The following UIMC1 variants were observed in gnomAD, a reference collection of about 807,000 sequenced individuals.
The protein encoded by UIMC1 is ubiquitin interaction motif containing 1, also known as BRCA1-A complex subunit RAP80.
Under a neutral mutation model 84.9 loss-of-function variants are expected in UIMC1, and 42 were observed. That is an observed-to-expected ratio of 0.49 (90% CI 0.39 to 0.64). UIMC1 has a LOEUF of 0.64. Ranked by LOEUF, UIMC1 falls within the 30% of genes least tolerant of loss-of-function variation. The probability of loss-of-function intolerance (pLI) is 0.00; values close to 1 mark genes in which losing one functional copy is unlikely to be tolerated. For synonymous variants in UIMC1, 281 were observed against 293.0 expected, an observed-to-expected ratio of 0.96 and a Z score of 0.42; for missense variants, 825 against 847.6, an observed-to-expected ratio of 0.97 and a Z score of 0.33.
chr5:176,906,256 T>C, intron 13 of UIMC1: 1 of 541,878 alleles, frequency 1.8e-6, no homozygotes, highest in Admixed American at 3.3e-5. Context: ...CACTTTTGAA[T>C]GAACAACCTC....
At chr5:177,005,946 C>G (rs353491) in intron 1 of UIMC1, among the ~76,000 whole-genome samples, 66,560 of 152,038 alleles carry the variant, frequency 0.44, 14,848 homozygotes, top group East Asian at 0.48. Flanking sequence ...CACCTGGAAA[C>G]GCGCCGGCCC....
At chr5:176,988,593 G>C (rs1056765595) in intron 1 of UIMC1, among the ~76,000 whole-genome samples, 1 of 151,878 alleles carries the variant, frequency 6.6e-6, no homozygotes, top group East Asian at 1.9e-4. Context: ...GAATTAGAAA[G>C]TGGTAATTGC....
rs1429392392 is a variant in UIMC1, at chr5:176,957,340, GAA to G, written c.1262+751_1262+752del. 5.9e-5 allele frequency among the ~76,000 whole-genome samples: 9 copies of G among 152,258 alleles called. No individual in the cohort carries two copies. The South Asian group carries it at 1.2e-3, about 21-fold the overall frequency. On this transcript the variant is annotated intron_variant, in intron 7 of 14. Coordinates refer to ENST00000511320, the MANE Select transcript of UIMC1 (RefSeq NM_001199298.2). ...ATGCAGTTCAAAACTAAGCTCTTGA[GAA>G]AGTCTCAAAACTCAACTACTAGATA...
intron 1 of UIMC1, among the ~76,000 whole-genome samples, chr5:176,993,533 C>A (rs894027167): frequency 1.3e-5 from 2 of 152,038 alleles, no homozygotes; most frequent in African/African-American, 4.8e-5. Context: ...ATCATCATGG[C>A]ACGAATATAC....
chr5:176,930,187 G>A (rs1762914025), intron 10 of UIMC1, among the ~76,000 whole-genome samples: 1 of 152,004 alleles, frequency 6.6e-6, no homozygotes, highest in East Asian at 1.9e-4. Context: ...CCATCTCTCT[G>A]CCTCCACCCC....
At chr5:176,939,048 T>C (rs1764080676) in intron 10 of UIMC1, among the ~76,000 whole-genome samples, 1 of 148,202 alleles carries the variant, frequency 6.7e-6, no homozygotes, top group African/African-American at 2.5e-5. Context: ...GGCCCAGGAG[T>C]TCAAGACCAG....
At chr5:176,930,405 T>C (rs1343505454) in intron 10 of UIMC1, among the ~76,000 whole-genome samples, 2 of 152,234 alleles carry the variant, frequency 1.3e-5, no homozygotes, top group African/African-American at 2.4e-5. Flanking sequence ...GAGTTAAACT[T>C]GGTGTACCCT....
intron 10 of UIMC1, among the ~76,000 whole-genome samples, chr5:176,918,214 C>T (rs1001465482): frequency 9.2e-5 from 14 of 152,204 alleles, no homozygotes; most frequent in African/African-American, 3.4e-4. Context: ...ATTCTCATCC[C>T]CATTTGCCAC....
intron 10 of UIMC1, among the ~76,000 whole-genome samples, chr5:176,927,349 G>A (rs1762509610): frequency 6.6e-6 from 1 of 152,140 alleles, no homozygotes; most frequent in South Asian, 2.1e-4. Flanking sequence ...CACCTCCTGG[G>A]TTCAAGCGAT....
At chr5:177,003,948 C>A (rs1422643240) in intron 1 of UIMC1, among the ~76,000 whole-genome samples, 1 of 152,136 alleles carries the variant, frequency 6.6e-6, no homozygotes, top group Admixed American at 6.5e-5. Flanking sequence ...CCCACCAGAG[C>A]CTCCTGGGCA....
intron 10 of UIMC1, among the ~76,000 whole-genome samples, chr5:176,915,632 T>G (rs530270789): frequency 2.0e-5 from 3 of 151,226 alleles, no homozygotes; most frequent in African/African-American, 7.3e-5. Flanking sequence ...ATTTTTGTAT[T>G]TTTAGTAGAG....
At chr5:176,907,072 G>A in intron 13 of UIMC1, 42 bp downstream of exon 13, 1 of 1,599,518 alleles carries the variant, frequency 6.3e-7, no homozygotes, top group Non-Finnish European at 8.6e-7. Flanking sequence ...TCACTGAAAG[G>A]CCTTAGGCAG....
At chr5:176,951,348 A>G (rs1765851936) in intron 9 of UIMC1, 126 bp downstream of exon 9, 4 of 614,952 alleles carry the variant, frequency 6.5e-6, no homozygotes, top group Non-Finnish European at 1.1e-5. Flanking sequence ...TCTCCCTAAC[A>G]TAAGGGCCCC....
chr5:176,937,026 T>C (rs754095192), intron 10 of UIMC1, among the ~76,000 whole-genome samples: 5 of 152,210 alleles, frequency 3.3e-5, no homozygotes, highest in Non-Finnish European at 7.3e-5. Flanking sequence ...ATCTGTTATA[T>C]AGTAGGTATA....
chr5:176,981,101 T>C (rs2149502531), intron 2 of UIMC1, among the ~76,000 whole-genome samples: 1 of 151,758 alleles, frequency 6.6e-6, no homozygotes, highest in African/African-American at 2.4e-5. Flanking sequence ...TAGATAAAAG[T>C]CCTAATTAAA....
chr5:177,005,932 T>TA (rs953918332), intron 1 of UIMC1, among the ~76,000 whole-genome samples: 1 of 152,114 alleles, frequency 6.6e-6, no homozygotes, highest in African/African-American at 2.4e-5. Context: ...CGGCGCTGCC[T>TA]AAGCACCTGG....
intron 1 of UIMC1, among the ~76,000 whole-genome samples, chr5:176,996,330 T>C (rs953249984): frequency 6.6e-6 from 1 of 152,146 alleles, no homozygotes; most frequent in Non-Finnish European, 1.5e-5. Flanking sequence ...GGGTAACTTT[T>C]GAGGTAATGT....
At chr5:176,964,056 G>C (rs769430720) in intron 6 of UIMC1, among the ~76,000 whole-genome samples, 3 of 152,026 alleles carry the variant, frequency 2.0e-5, no homozygotes, top group Non-Finnish European at 4.4e-5. Flanking sequence ...CCTTAATATA[G>C]ACTAAGTTAT....
intron 4 of UIMC1, chr5:176,969,990 G>T: frequency 7.0e-6 from 2 of 283,752 alleles, no homozygotes; most frequent in South Asian, 1.0e-4. Context: ...ATCATTTCAG[G>T]CTGGGCGAGG....
Sources: gnomAD v4.1 joint callset for allele counts (sites outside exome capture counted in the v4.1 genomes callset) on GRCh38, gnomAD v4.1.1 for gene constraint, MANE v1.5 for transcripts, NCBI Gene and HGNC (gene_info 2026-07-23, HGNC 2026-07-21) for gene names.